Variants in BRINP3 observed in about 807,000 individuals in gnomAD.
BRINP3 encodes BMP/retinoic acid-inducible neural-specific protein 3.
A neutral mutation model predicts 71.0 loss-of-function variants in BRINP3; 19 were observed. The observed-to-expected ratio is 0.27, with a 90% CI of 0.19 to 0.39. The LOEUF is 0.39. Among genes scored for constraint, BRINP3 ranks in the 10% least tolerant of loss-of-function variants. The probability of loss-of-function intolerance (pLI) is 1.00; values close to 1 mark genes in which losing one functional copy is unlikely to be tolerated. For missense variants in BRINP3, 959 were observed against 940.8 expected, an observed-to-expected ratio of 1.02 and a Z score of -0.25; for synonymous variants, 380 against 337.7, an observed-to-expected ratio of 1.13 and a Z score of -1.37.
chr1:190,136,021 A>G (rs1315654899), intron 7 of BRINP3, among the ~76,000 whole-genome samples: 1 of 151,998 alleles, frequency 6.6e-6, no homozygotes, highest in South Asian at 2.1e-4. Flanking sequence ...GACAATTATG[A>G]CTAAGGTGTG....
intron 1 of BRINP3, among the ~76,000 whole-genome samples, chr1:190,466,156 T>G (rs2102685876): frequency 6.6e-6 from 1 of 151,820 alleles, no homozygotes; most frequent in Non-Finnish European, 1.5e-5. Context: ...TTTTTTTCTT[T>G]AACAATGATC....
intron 2 of BRINP3, among the ~76,000 whole-genome samples, chr1:190,290,164 T>C (rs1663750968): frequency 1.3e-5 from 2 of 152,190 alleles, no homozygotes; most frequent in South Asian, 2.1e-4. Context: ...TGAGTGTTCA[T>C]GTGACTAGGG....
chr1:190,169,444 G>A (rs1651825280), intron 6 of BRINP3, among the ~76,000 whole-genome samples: 1 of 152,066 alleles, frequency 6.6e-6, no homozygotes, highest in African/African-American at 2.4e-5. Context: ...CTTGTTTCTG[G>A]CATAGCATCT....
chr1:190,158,589 C>T (rs72729133), intron 7 of BRINP3, among the ~76,000 whole-genome samples: 10,113 of 151,862 alleles, frequency 0.067, 472 homozygotes, highest in East Asian at 0.11. Flanking sequence ...CAAATGTGTA[C>T]ATTTACCACC....
chr1:190,321,731 TA>T (rs1190684144), intron 2 of BRINP3, among the ~76,000 whole-genome samples: 2 of 152,094 alleles, frequency 1.3e-5, no homozygotes, highest in Admixed American at 6.6e-5. Flanking sequence ...CGCCTCAATG[TA>T]TTTGTTTTTG....
chr1:190,241,516 A>C (rs1211845890), intron 4 of BRINP3, among the ~76,000 whole-genome samples: 1 of 151,998 alleles, frequency 6.6e-6, no homozygotes, highest in African/African-American at 2.4e-5. Context: ...AACACAATTT[A>C]ATTGGTCTAG....
At chr1:190,382,007 C>G (rs895494762) in intron 2 of BRINP3, among the ~76,000 whole-genome samples, 8 of 152,076 alleles carry the variant, frequency 5.3e-5, no homozygotes, top group African/African-American at 1.9e-4. Flanking sequence ...ATGTACGAAA[C>G]AGATACACAT....
intron 6 of BRINP3, among the ~76,000 whole-genome samples, chr1:190,202,231 A>C (rs1240907439): frequency 6.6e-6 from 1 of 152,122 alleles, no homozygotes. Flanking sequence ...TGGAGCTTTA[A>C]GATTTGACTT....
chr1:190,313,032 A>G (rs1296747351), intron 2 of BRINP3, among the ~76,000 whole-genome samples: 1 of 152,066 alleles, frequency 6.6e-6, no homozygotes, highest in African/African-American at 2.4e-5. Flanking sequence ...ATAAGTTTTA[A>G]TTTACAAATT....
intron 4 of BRINP3, among the ~76,000 whole-genome samples, chr1:190,243,658 C>A (rs1203724552): frequency 6.6e-6 from 1 of 151,990 alleles, no homozygotes; most frequent in Non-Finnish European, 1.5e-5. Flanking sequence ...CAGTTTGCAA[C>A]CTGGTTCAGG....
At chr1:190,166,659 A>C (rs1004286993) in intron 6 of BRINP3, among the ~76,000 whole-genome samples, 1 of 152,110 alleles carries the variant, frequency 6.6e-6, no homozygotes, top group African/African-American at 2.4e-5. Flanking sequence ...GGTAATGGTT[A>C]GTTGGTTAGT....
At chr1:190,201,917 G>A (rs1655041426) in intron 6 of BRINP3, among the ~76,000 whole-genome samples, 1 of 152,170 alleles carries the variant, frequency 6.6e-6, no homozygotes, top group Non-Finnish European at 1.5e-5. Flanking sequence ...GAGAGCCTAT[G>A]CTAGGGCAGT....
intron 2 of BRINP3, among the ~76,000 whole-genome samples, chr1:190,453,314 G>C (rs1400256340): frequency 2.3e-5 from 3 of 131,454 alleles, no homozygotes; most frequent in African/African-American, 8.6e-5. Context: ...TCCACCTCCC[G>C]AGTTCAAGCC....
chr1:190,440,128 A>G (rs1674717608), intron 2 of BRINP3, among the ~76,000 whole-genome samples: 1 of 152,008 alleles, frequency 6.6e-6, no homozygotes, highest in East Asian at 1.9e-4. Flanking sequence ...TTGTAAAATA[A>G]AAGAAAATCC....
intron 2 of BRINP3, among the ~76,000 whole-genome samples, chr1:190,377,549 A>C (rs1032999327): frequency 2.1e-5 from 2 of 95,926 alleles, no homozygotes; most frequent in African/African-American, 8.8e-5. Flanking sequence ...AGAGGAAATA[A>C]TATATATATA....
intron 2 of BRINP3, among the ~76,000 whole-genome samples, chr1:190,444,387 C>G (rs1026901759): frequency 1.3e-5 from 2 of 150,964 alleles, no homozygotes; most frequent in African/African-American, 4.9e-5. Context: ...GGTATAAAGT[C>G]TCTTTCCTCA....
At chr1:190,322,521 C>T (rs149151406) in intron 2 of BRINP3, among the ~76,000 whole-genome samples, 493 of 151,932 alleles carry the variant, frequency 3.2e-3, no homozygotes, top group Non-Finnish European at 4.6e-3. Flanking sequence ...AGAAAAAGTG[C>T]GGCTGAGAAA....
Position 190,329,130 on chromosome 1 carries a change from C to T in BRINP3, c.237-47380G>A, listed in dbSNP as rs1666797845. On this transcript the variant is annotated intron_variant, in intron 2 of 7. Coordinates refer to ENST00000367462, the MANE Select transcript of BRINP3 (RefSeq NM_199051.3). ...AATTTGAACAAATAAAGGATATTCA[C>T]TCTCACAATTCCTATTCAGCATGAT... 2.0e-5 allele frequency among the ~76,000 whole-genome samples: 3 copies of T among 151,978 alleles called. No homozygotes were observed. In the South Asian group the frequency reaches 6.2e-4, roughly 31 times the overall value.
intron 2 of BRINP3, among the ~76,000 whole-genome samples, chr1:190,321,830 C>A (rs1331252040): frequency 6.6e-6 from 1 of 152,000 alleles, no homozygotes; most frequent in Non-Finnish European, 1.5e-5. Context: ...GGTATGCAAA[C>A]CTCACACCAT....
Sources: allele counts gnomAD v4.1 joint callset (sites outside exome capture counted in the v4.1 genomes callset), GRCh38; gene constraint gnomAD v4.1.1; transcripts MANE v1.5; gene names NCBI Gene and HGNC (gene_info 2026-07-23, HGNC 2026-07-21).